CDH13: variants seen among roughly 807,000 people sequenced by gnomAD.
CDH13 encodes the protein cadherin-13.
In CDH13, 24 loss-of-function variants were observed where a neutral mutation model predicts 63.8. The observed-to-expected ratio is 0.38, with a 90% CI of 0.27 to 0.53. The LOEUF (loss-of-function observed/expected upper bound fraction) is 0.53, where lower values mean the gene tolerates loss of function less well. Ranked by LOEUF, CDH13 falls within the 20% of genes least tolerant of loss-of-function variation. The pLI, the probability that CDH13 is intolerant of heterozygous loss-of-function variation, is 0.85. For synonymous variants in CDH13, 503 were observed against 355.3 expected (o/e 1.42, Z -4.67); for missense variants, 1,049 against 903.1 (o/e 1.16, Z -2.07).
chr16:83,288,075 T>C (rs1476947737), intron 5 of CDH13, among the ~76,000 whole-genome samples: 2 of 152,218 alleles, frequency 1.3e-5, no homozygotes, highest in Admixed American at 1.3e-4. Flanking sequence ...TTTAAAATTT[T>C]TAGGTAGTGT....
At chr16:83,524,824 G>C (rs564018032) in intron 7 of CDH13, among the ~76,000 whole-genome samples, 9 of 152,122 alleles carry the variant, frequency 5.9e-5, no homozygotes, top group African/African-American at 2.2e-4. Context: ...AGAGTGTCAA[G>C]TTTATCCATC....
chr16:83,338,422 C>G (rs540228684), intron 5 of CDH13, among the ~76,000 whole-genome samples: 11 of 152,316 alleles, frequency 7.2e-5, no homozygotes, highest in African/African-American at 2.4e-4. Context: ...AGAGGGCTCT[C>G]TGCAGTCAAT....
chr16:83,683,619 C>T (rs915060533), intron 10 of CDH13, among the ~76,000 whole-genome samples: 1 of 152,098 alleles, frequency 6.6e-6, no homozygotes, highest in Admixed American at 6.6e-5. Context: ...TATTTATTCC[C>T]TTGTTGTTGA....
chr16:83,588,653 G>A (rs1326562258), intron 7 of CDH13, among the ~76,000 whole-genome samples: 1 of 152,206 alleles, frequency 6.6e-6, no homozygotes, highest in East Asian at 1.9e-4. Context: ...GCACCAAAGG[G>A]AAGCTTCTCC....
chr16:82,659,306 G>GT (rs143243008), intron 1 of CDH13, among the ~76,000 whole-genome samples: 7,226 of 152,216 alleles, frequency 0.047, 193 homozygotes, highest in Non-Finnish European at 0.063. Context: ...GTAGAAACAC[G>GT]TAACTCATAA....
At chr16:83,421,547 A>G (rs1299537252) in intron 6 of CDH13, among the ~76,000 whole-genome samples, 2 of 152,210 alleles carry the variant, frequency 1.3e-5, no homozygotes, top group East Asian at 1.9e-4. Context: ...ATGAAATGAG[A>G]TGAGAGTGGG....
At chr16:82,846,918 A>C (rs1195224419) in intron 1 of CDH13, among the ~76,000 whole-genome samples, 1 of 152,236 alleles carries the variant, frequency 6.6e-6, no homozygotes, top group Non-Finnish European at 1.5e-5. Flanking sequence ...AAATAAAATA[A>C]AAAATGAGAG....
At chr16:83,410,783 C>T (rs975976351) in intron 6 of CDH13, among the ~76,000 whole-genome samples, 1 of 152,140 alleles carries the variant, frequency 6.6e-6, no homozygotes, top group African/African-American at 2.4e-5. Context: ...CAATCAGCTG[C>T]CAACATTTTG....
intron 7 of CDH13, among the ~76,000 whole-genome samples, chr16:83,521,023 T>A (rs1009554351): frequency 3.3e-5 from 5 of 152,212 alleles, no homozygotes; most frequent in African/African-American, 9.7e-5. Flanking sequence ...TGTCTGCTAT[T>A]TCTAACATCT....
chr16:82,782,157 G>A (rs560800693), intron 1 of CDH13, among the ~76,000 whole-genome samples: 1 of 152,316 alleles, frequency 6.6e-6, no homozygotes, highest in South Asian at 2.1e-4. Flanking sequence ...AGAACATATG[G>A]TGGTATTATT....
chr16:83,254,249 G>A (rs551128258), intron 5 of CDH13, among the ~76,000 whole-genome samples: 4 of 152,320 alleles, frequency 2.6e-5, no homozygotes, highest in African/African-American at 9.6e-5. Flanking sequence ...CGGAGCTGCT[G>A]TATGGTGCAT....
intron 3 of CDH13, among the ~76,000 whole-genome samples, chr16:83,106,964 C>T (rs770211451): frequency 5.9e-5 from 9 of 152,040 alleles, no homozygotes; most frequent in Non-Finnish European, 5.9e-5. Flanking sequence ...TCCCTCCTAC[C>T]GAATGCTAAG....
At chr16:83,717,546 T>C (rs1909104080) in intron 10 of CDH13, among the ~76,000 whole-genome samples, 1 of 152,266 alleles carries the variant, frequency 6.6e-6, no homozygotes, top group African/African-American at 2.4e-5. Flanking sequence ...GGTAGTGACA[T>C]GAAATGGGCA....
At chr16:82,847,230 C>G (rs542618508) in intron 1 of CDH13, among the ~76,000 whole-genome samples, 2 of 152,214 alleles carry the variant, frequency 1.3e-5, no homozygotes, top group Non-Finnish European at 2.9e-5. Flanking sequence ...GCTGCTGTAA[C>G]AAATGACCAC....
At chr16:83,107,257 A>G (rs1357000167) in intron 3 of CDH13, among the ~76,000 whole-genome samples, 1 of 152,202 alleles carries the variant, frequency 6.6e-6, no homozygotes, top group Non-Finnish European at 1.5e-5. Flanking sequence ...CCTTCTGGCC[A>G]GAGAAACCAG....
intron 1 of CDH13, among the ~76,000 whole-genome samples, chr16:82,800,709 C>A (rs987503008): frequency 1.4e-4 from 21 of 152,154 alleles, no homozygotes; most frequent in Non-Finnish European, 3.1e-4. Flanking sequence ...CTGCCACACA[C>A]CTCATTATAG....
At chr16:83,128,956 A>G (rs1218490486) in intron 4 of CDH13, among the ~76,000 whole-genome samples, 3 of 152,244 alleles carry the variant, frequency 2.0e-5, no homozygotes, top group Non-Finnish European at 4.4e-5. Flanking sequence ...TGTTTTTTGT[A>G]GAATTACTGC....
intron 7 of CDH13, among the ~76,000 whole-genome samples, chr16:83,523,502 C>G: frequency 6.6e-6 from 1 of 152,194 alleles, no homozygotes; most frequent in African/African-American, 2.4e-5. Context: ...CTGGAATCCA[C>G]TGGAGCAGCC....
At chr16:83,431,122 C>T (rs368262418) in intron 6 of CDH13, among the ~76,000 whole-genome samples, 1 of 151,898 alleles carries the variant, frequency 6.6e-6, no homozygotes, top group African/African-American at 2.4e-5. Flanking sequence ...CCAGTTTCAT[C>T]CATGTCCCTA....
Sources: allele counts gnomAD v4.1 joint callset (sites outside exome capture counted in the v4.1 genomes callset), GRCh38; gene constraint gnomAD v4.1.1; transcripts MANE v1.5; gene names NCBI Gene and HGNC (gene_info 2026-07-23, HGNC 2026-07-21).